PARD3B: variants seen among roughly 807,000 people sequenced by gnomAD.
The protein encoded by PARD3B is partitioning defective 3 homolog B.
In PARD3B, 103 loss-of-function variants were observed where a neutral mutation model predicts 130.2. The ratio of observed to expected loss-of-function variants is 0.79; its 90% CI spans 0.67 to 0.93. The LOEUF (loss-of-function observed/expected upper bound fraction) is 0.93. Ranked by LOEUF, PARD3B falls within the 40% of genes least tolerant of loss-of-function variation. The probability of loss-of-function intolerance (pLI) is 0.00; values close to 1 mark genes in which losing one functional copy is unlikely to be tolerated. For synonymous variants in PARD3B, 583 were observed against 553.2 expected (o/e 1.05, Z -0.76); for missense variants, 1,609 against 1,499.2 (o/e 1.07, Z -1.21).
chr2:205,468,316 A>G (rs990149968), intron 20 of PARD3B, among the ~76,000 whole-genome samples: 1 of 152,152 alleles, frequency 6.6e-6, no homozygotes, highest in Non-Finnish European at 1.5e-5. Context: ...TAGATATTTC[A>G]CTATTGTAGC....
At chr2:205,417,339 T>G (rs1263184596) in intron 19 of PARD3B, among the ~76,000 whole-genome samples, 5 of 152,108 alleles carry the variant, frequency 3.3e-5, no homozygotes, top group Non-Finnish European at 5.9e-5. Context: ...TTGATGGACA[T>G]TTGGGTTGGT....
chr2:204,625,306 A>G (rs550202723), intron 1 of PARD3B, among the ~76,000 whole-genome samples: 5 of 152,302 alleles, frequency 3.3e-5, no homozygotes, highest in African/African-American at 1.2e-4. Context: ...GGCAGAGGAA[A>G]GAGTGCCATC....
intron 2 of PARD3B, among the ~76,000 whole-genome samples, chr2:204,808,072 A>G (rs979711660): frequency 6.6e-6 from 1 of 152,082 alleles, no homozygotes; most frequent in Non-Finnish European, 1.5e-5. Context: ...TAGCTCATGT[A>G]CCCTATAAAT....
At chr2:204,827,312 A>G (rs375180350) in intron 2 of PARD3B, among the ~76,000 whole-genome samples, 1 of 152,208 alleles carries the variant, frequency 6.6e-6, no homozygotes, top group Non-Finnish European at 1.5e-5. Context: ...TGAAATTACA[A>G]TACTTGGAGA....
At chr2:204,739,923 G>T (rs1574859843) in intron 2 of PARD3B, among the ~76,000 whole-genome samples, 1 of 151,608 alleles carries the variant, frequency 6.6e-6, no homozygotes. Context: ...ATTTTTAAAA[G>T]AAATATACAA....
At chr2:204,751,021 T>A (rs1049829521) in intron 2 of PARD3B, among the ~76,000 whole-genome samples, 1 of 152,212 alleles carries the variant, frequency 6.6e-6, no homozygotes, top group Non-Finnish European at 1.5e-5. Context: ...ATTCTATGCC[T>A]GTGGAAAAGT....
chr2:204,836,000 TA>T (rs1000877438), intron 2 of PARD3B, among the ~76,000 whole-genome samples: 2 of 152,172 alleles, frequency 1.3e-5, no homozygotes, highest in East Asian at 1.9e-4. Flanking sequence ...ACACCCCATT[TA>T]AAAAAATTGT....
chr2:205,151,444 T>C (rs1453981140), intron 10 of PARD3B, among the ~76,000 whole-genome samples: 1 of 152,200 alleles, frequency 6.6e-6, no homozygotes, highest in Non-Finnish European at 1.5e-5. Flanking sequence ...ATCTGGGTGC[T>C]CCTGTATTGG....
chr2:204,809,411 T>C (rs1402066264), intron 2 of PARD3B, among the ~76,000 whole-genome samples: 4 of 152,146 alleles, frequency 2.6e-5, no homozygotes, highest in Non-Finnish European at 5.9e-5. Flanking sequence ...AGCTTTTGGT[T>C]TTACTTTTAA....
chr2:204,849,546 C>G lies in PARD3B; in HGVS notation c.223-115606C>G, dbSNP rs569576622. Reference sequence around the variant, plus strand: ...TTGTAATCTAACTTCTGAACCTTTTCATGAAATTTAAATGTTATTACAATG... The same window carrying G: ...TTGTAATCTAACTTCTGAACCTTTTGATGAAATTTAAATGTTATTACAATG... On this transcript the variant is annotated intron_variant, in intron 2 of 22. Transcript: ENST00000406610. Among the ~76,000 whole-genome samples the G allele has an allele frequency of 4.3e-4, 66 of 152,286 alleles. 1 individual carries two copies. The highest frequency in any genetic ancestry group is 1.5e-3 in the African/African-American group (61 of 41,564).
At chr2:205,140,131 C>A (rs146880865) in intron 10 of PARD3B, among the ~76,000 whole-genome samples, 71 of 152,292 alleles carry the variant, frequency 4.7e-4, no homozygotes, top group Non-Finnish European at 7.4e-4. Flanking sequence ...GAGGCCAGGG[C>A]GGAGTAATGG....
At chr2:205,047,037 A>G (rs1447589958) in intron 3 of PARD3B, among the ~76,000 whole-genome samples, 2 of 152,230 alleles carry the variant, frequency 1.3e-5, no homozygotes, top group East Asian at 3.8e-4. Context: ...AGTTCTATCT[A>G]CTTTAGGAGA....
chr2:204,776,012 A>G (rs1018958949), intron 2 of PARD3B, among the ~76,000 whole-genome samples: 6 of 152,064 alleles, frequency 3.9e-5, no homozygotes, highest in African/African-American at 1.2e-4. Flanking sequence ...CTTTTTTCCC[A>G]CTTGTTTGTT....
intron 18 of PARD3B, among the ~76,000 whole-genome samples, chr2:205,357,597 T>C (rs989444378): frequency 1.3e-5 from 2 of 152,060 alleles, no homozygotes; most frequent in Non-Finnish European, 2.9e-5. Context: ...AAATGAAAGA[T>C]TCTGAAGTTT....
chr2:205,604,684 T>A (rs1050502715), intron 22 of PARD3B, among the ~76,000 whole-genome samples: 23 of 152,218 alleles, frequency 1.5e-4, no homozygotes, highest in African/African-American at 5.3e-4. Context: ...ATTATGTGTC[T>A]TGGGGTTGAT....
At chr2:205,054,436 A>ATATATATATATATATATATATAT (rs1411271901) in intron 4 of PARD3B, among the ~76,000 whole-genome samples, 1 of 28,438 alleles carries the variant, frequency 3.5e-5, no homozygotes, top group Non-Finnish European at 5.7e-5. Flanking sequence ...ATATATATAT[A>ATATATATATATATATATATATAT]TTTTTTTTTT....
At chr2:205,194,274 A>G (rs2036553377) in intron 15 of PARD3B, among the ~76,000 whole-genome samples, 1 of 152,224 alleles carries the variant, frequency 6.6e-6, no homozygotes, top group Non-Finnish European at 1.5e-5. Flanking sequence ...ACAGGAGTTC[A>G]GAAAAATGTT....
At chr2:204,604,320 G>A (rs1473307659) in intron 1 of PARD3B, among the ~76,000 whole-genome samples, 2 of 152,050 alleles carry the variant, frequency 1.3e-5, no homozygotes, top group African/African-American at 2.4e-5. Context: ...GGAATTCTTG[G>A]TATCAGAAAA....
chr2:204,551,310 A>G (rs2030441578), intron 1 of PARD3B, among the ~76,000 whole-genome samples: 1 of 152,208 alleles, frequency 6.6e-6, no homozygotes, highest in Non-Finnish European at 1.5e-5. Flanking sequence ...GCTGGGCTTT[A>G]CTTTCCCACA....
Sources: allele counts gnomAD v4.1 joint callset (sites outside exome capture counted in the v4.1 genomes callset), GRCh38; gene constraint gnomAD v4.1.1; transcripts MANE v1.5; gene names NCBI Gene and HGNC (gene_info 2026-07-23, HGNC 2026-07-21).